The following NBPF11 variants were observed in gnomAD, a reference collection of about 807,000 sequenced individuals.
The protein encoded by NBPF11 is NBPF member 11.
NBPF11 carries 72 observed loss-of-function variants against 93.9 expected under a neutral mutation model. That is an observed-to-expected ratio of 0.77 (90% CI 0.63 to 0.93). The LOEUF (loss-of-function observed/expected upper bound fraction) is 0.93. Among genes scored for constraint, NBPF11 ranks in the 40% least tolerant of loss-of-function variants. The pLI, the probability that NBPF11 is intolerant of heterozygous loss-of-function variation, is 0.00. For synonymous variants in NBPF11, 224 were observed against 304.9 expected (o/e 0.73, Z 2.76); for missense variants, 705 against 802.2 (o/e 0.88, Z 1.46).
intron 2 of NBPF11, among the ~76,000 whole-genome samples, chr1:148,143,032 G>A (rs1672450467): frequency 6.6e-6 from 1 of 151,782 alleles, no homozygotes. Flanking sequence ...GAGGGGGTGA[G>A]CCATGAAAGC....
chr1:148,138,823 G>A (rs1671750891), intron 2 of NBPF11, among the ~76,000 whole-genome samples: 1 of 151,910 alleles, frequency 6.6e-6, no homozygotes, highest in Non-Finnish European at 1.5e-5. Context: ...TCAGGCCATG[G>A]CTCATATCTG....
intron 4 of NBPF11, among the ~76,000 whole-genome samples, chr1:148,132,374 A>T (rs1670546768): frequency 6.7e-6 from 1 of 148,986 alleles, no homozygotes; most frequent in African/African-American, 2.5e-5. Flanking sequence ...TTTCAACAAA[A>T]CACATAATCT....
At chr1:148,122,353 G>T (rs1668066985) in intron 8 of NBPF11, 87 bp from the exon 9 acceptor site, 12 of 1,596,540 alleles carry the variant, frequency 7.5e-6, no homozygotes, top group South Asian at 4.4e-5. Context: ...TTGACAAGCG[G>T]CATTAAGAGA....
intron 1 of NBPF11, chr1:148,146,277 G>T (rs1465189584): frequency 8.5e-6 from 11 of 1,292,936 alleles, no homozygotes; most frequent in South Asian, 3.6e-5. Flanking sequence ...CGGTAGCTGG[G>T]GGGGCGCTCT....
chr1:148,114,095 G>A (rs1334382334), intron 15 of NBPF11, among the ~76,000 whole-genome samples: 2 of 135,070 alleles, frequency 1.5e-5, no homozygotes, highest in Non-Finnish European at 3.1e-5. Flanking sequence ...GCTAGCAGAA[G>A]ACAAGAAGTA....
At chr1:148,112,390 A>G (rs1437123392) in intron 15 of NBPF11, among the ~76,000 whole-genome samples, 40 of 136,460 alleles carry the variant, frequency 2.9e-4, no homozygotes, top group African/African-American at 1.1e-3. Context: ...ACCTGTGAGT[A>G]AGAACATGCG....
intron 9 of NBPF11, among the ~76,000 whole-genome samples, chr1:148,121,341 T>A (rs1293049376): frequency 6.8e-6 from 1 of 147,310 alleles, no homozygotes; most frequent in Admixed American, 6.8e-5. Flanking sequence ...GCGTCCCTGG[T>A]CAGAGACTTT....
At chr1:148,108,691 G>A in intron 17 of NBPF11, 37 bp from the exon 18 acceptor site, 4 of 797,306 alleles carry the variant, frequency 5.0e-6, no homozygotes, top group Non-Finnish European at 4.5e-6. Flanking sequence ...TAAGCCAGGG[G>A]GAATCAGAAA....
At chr1:148,121,127 C>A (rs1394503625) in intron 9 of NBPF11, among the ~76,000 whole-genome samples, 1 of 151,682 alleles carries the variant, frequency 6.6e-6, no homozygotes, top group Non-Finnish European at 1.5e-5. Context: ...TCACTGCCAC[C>A]TCTGCCTCCC....
intron 10 of NBPF11, among the ~76,000 whole-genome samples, chr1:148,119,932 G>A (rs1667443811): frequency 6.6e-6 from 1 of 152,260 alleles, no homozygotes; most frequent in Admixed American, 6.5e-5. Flanking sequence ...GGGATTACAG[G>A]AGTGAGCCAC....
chr1:148,148,577 C>A, intron 1 of NBPF11, among the ~76,000 whole-genome samples: 1 of 151,970 alleles, frequency 6.6e-6, no homozygotes, highest in Non-Finnish European at 1.5e-5. Flanking sequence ...ACCTCCGCAG[C>A]CACCACCCTC....
chr1:148,124,722 A>C (rs1668679343), intron 6 of NBPF11, among the ~76,000 whole-genome samples, 177 bp downstream of exon 6: 1 of 152,122 alleles, frequency 6.6e-6, no homozygotes. Context: ...AAACAACTGC[A>C]ACACAGAACT....
intron 11 of NBPF11, among the ~76,000 whole-genome samples, chr1:148,118,339 G>A (rs1667047412): frequency 6.6e-6 from 1 of 151,886 alleles, no homozygotes; most frequent in South Asian, 2.1e-4. Flanking sequence ...GAATGCTGCT[G>A]TGTGGTTCAC....
intron 10 of NBPF11, among the ~76,000 whole-genome samples, chr1:148,119,911 C>T (rs1667438483): frequency 6.6e-6 from 1 of 152,154 alleles, no homozygotes; most frequent in South Asian, 2.1e-4. Flanking sequence ...GCCTCAGCCT[C>T]CCAAAGGGCT....
intron 5 of NBPF11, among the ~76,000 whole-genome samples, chr1:148,125,928 T>C (rs1353049513): frequency 1.3e-5 from 2 of 151,986 alleles, no homozygotes; most frequent in Non-Finnish European, 2.9e-5. Flanking sequence ...AACAAGAGCC[T>C]GTGCACCAGG....
chr1:148,104,652 T>C lies in NBPF11; in HGVS notation c.2473-7A>G. 2 of 551,590 alleles carry C rather than the reference T, an allele frequency of 3.6e-6. No homozygotes were observed. The highest frequency in any genetic ancestry group is 3.3e-5 in the Admixed American group (1 of 30,224). The allele number at this position is 551,590 out of a possible 1,614,324, so 34.2% of individuals were successfully genotyped here. On this transcript the variant is annotated splice_region_variant and splice_polypyrimidine_tract_variant and intron_variant, in intron 22 of 23. Transcript: ENST00000682118. ...TTCCCCTTCTTTTCAATTTCTGCAA[T>C]AAATTCAGACATGGACAGACACATT... is the stretch of plus-strand genomic sequence containing the variant.
chr1:148,122,842 C>T (rs1668189683), intron 7 of NBPF11, 41 bp from the exon 8 acceptor site: 4 of 1,609,022 alleles, frequency 2.5e-6, no homozygotes, highest in African/African-American at 2.7e-5. Flanking sequence ...TCCCACTTCA[C>T]ATTCTGCAAG....
intron 10 of NBPF11, among the ~76,000 whole-genome samples, chr1:148,119,612 T>C (rs1305337201): frequency 2.6e-5 from 4 of 151,876 alleles, no homozygotes; most frequent in African/African-American, 7.3e-5. Flanking sequence ...GAAGCAGGAC[T>C]TCACTCTCAC....
intron 5 of NBPF11, among the ~76,000 whole-genome samples, chr1:148,126,507 G>C (rs1457239251): frequency 3.9e-5 from 6 of 151,992 alleles, no homozygotes; most frequent in African/African-American, 1.5e-4. Context: ...CAACAGACTA[G>C]ATGTTATTTG....
Sources: allele counts gnomAD v4.1 joint callset (sites outside exome capture counted in the v4.1 genomes callset), GRCh38; gene constraint gnomAD v4.1.1; transcripts MANE v1.5; gene names NCBI Gene and HGNC (gene_info 2026-07-23, HGNC 2026-07-21).